ACTR3C: variants seen among roughly 807,000 people sequenced by gnomAD.
ACTR3C encodes actin-related protein 3C.
Under a neutral mutation model 26.3 loss-of-function variants are expected in ACTR3C, and 18 were observed. The ratio of observed to expected loss-of-function variants is 0.68; its 90% CI spans 0.47 to 1.01. The LOEUF is 1.01. Among genes scored for constraint, ACTR3C ranks in the 50% least tolerant of loss-of-function variants. The pLI is 0.00. For synonymous variants in ACTR3C, 55 were observed against 94.5 expected (o/e 0.58, Z 2.42); for missense variants, 184 against 250.7 (o/e 0.73, Z 1.80).
chr7:150,311,378 T>C (rs1197372344), intron 1 of ACTR3C, among the ~76,000 whole-genome samples: 1 of 152,236 alleles, frequency 6.6e-6, no homozygotes, highest in Non-Finnish European at 1.5e-5. Context: ...CAGTGGCAGC[T>C]GCTGCTTTAA....
At chr7:150,087,641 A>G in the ACTR3C span, among the ~76,000 whole-genome samples, 1 of 152,172 alleles carries the variant, frequency 6.6e-6, no homozygotes, top group Non-Finnish European at 1.5e-5. Context: ...CCCGTGGAAG[A>G]GGCTGGAATA....
the ACTR3C span, among the ~76,000 whole-genome samples, chr7:150,159,268 T>A: frequency 6.6e-6 from 1 of 151,924 alleles, no homozygotes; most frequent in Non-Finnish European, 1.5e-5. Flanking sequence ...GAGAAACACT[T>A]CTTCCCAGGA....
the ACTR3C span, among the ~76,000 whole-genome samples, chr7:149,910,469 G>A: frequency 1.1e-3 from 168 of 152,088 alleles, 2 homozygotes; most frequent in South Asian, 0.033. Context: ...AAAAGGGGGG[G>A]TGGTGGGAAA....
At chr7:150,287,640 G>T (rs1835897529) in intron 4 of ACTR3C, among the ~76,000 whole-genome samples, 1 of 152,098 alleles carries the variant, frequency 6.6e-6, no homozygotes, top group African/African-American at 2.4e-5. Context: ...CGCTCTCGTG[G>T]TATTAAGTTT....
chr7:150,177,982 C>T, the ACTR3C span, among the ~76,000 whole-genome samples: 14 of 150,838 alleles, frequency 9.3e-5, no homozygotes, highest in Middle Eastern at 0.01. Flanking sequence ...TTACAAATTA[C>T]GTTTCTTATT....
chr7:150,156,211 C>G, the ACTR3C span, among the ~76,000 whole-genome samples: 7 of 152,170 alleles, frequency 4.6e-5, no homozygotes, highest in Admixed American at 1.3e-4. Flanking sequence ...CGCTGAGCAA[C>G]AGTCCAGGTC....
the ACTR3C span, among the ~76,000 whole-genome samples, chr7:150,227,701 G>GTTTTTTT: frequency 2.1e-5 from 2 of 94,244 alleles, no homozygotes; most frequent in African/African-American, 7.9e-5. Flanking sequence ...TTTTTTTTTT[G>GTTTTTTT]TTTTTTTTTT....
chr7:150,006,885 AGGC>A, the ACTR3C span, among the ~76,000 whole-genome samples: 1 of 152,236 alleles, frequency 6.6e-6, no homozygotes, highest in Non-Finnish European at 1.5e-5. Flanking sequence ...ACTTCTCAAT[AGGC>A]ATATCCACAT....
At chr7:150,314,735 G>C (rs1585005774) in intron 1 of ACTR3C, among the ~76,000 whole-genome samples, 1 of 142,266 alleles carries the variant, frequency 7.0e-6, no homozygotes, top group Non-Finnish European at 1.5e-5. Context: ...TTGAGCCCAA[G>C]ACCAGCCTGA....
At chr7:149,993,339 C>G in the ACTR3C span, among the ~76,000 whole-genome samples, 1 of 152,134 alleles carries the variant, frequency 6.6e-6, no homozygotes, top group Admixed American at 6.5e-5. Flanking sequence ...TGGTGCCCTG[C>G]GAGGCCAAGC....
At chr7:150,103,974 C>T in the ACTR3C span, among the ~76,000 whole-genome samples, 9 of 151,844 alleles carry the variant, frequency 5.9e-5, no homozygotes, top group Non-Finnish European at 1.3e-4. Context: ...TTTAAACATT[C>T]GACAACATAA....
intron 3 of ACTR3C, among the ~76,000 whole-genome samples, chr7:150,291,335 A>C (rs1836245580): frequency 6.6e-6 from 1 of 152,210 alleles, no homozygotes; most frequent in South Asian, 2.1e-4. Context: ...AGGCTGAGGC[A>C]GGAGAATCGC....
the ACTR3C span, among the ~76,000 whole-genome samples, chr7:150,112,179 G>A: frequency 1.1e-4 from 16 of 151,328 alleles, no homozygotes; most frequent in Admixed American, 9.9e-4. Context: ...TCCGGGCCCC[G>A]CTCTGAGCTT....
At chr7:150,035,951 G>T in the ACTR3C span, among the ~76,000 whole-genome samples, 8 of 136,676 alleles carry the variant, frequency 5.9e-5, 1 homozygote, top group Admixed American at 2.1e-4. Context: ...GGTCCTCAGA[G>T]CCAGGGCGGG....
At chr7:150,019,141 A>G in the ACTR3C span, among the ~76,000 whole-genome samples, 4 of 150,310 alleles carry the variant, frequency 2.7e-5, no homozygotes, top group Non-Finnish European at 5.9e-5. Flanking sequence ...CATGAAAGAG[A>G]TGATATATAA....
At chr7:150,197,743 C>T in the ACTR3C span, among the ~76,000 whole-genome samples, 1 of 152,184 alleles carries the variant, frequency 6.6e-6, no homozygotes, top group Non-Finnish European at 1.5e-5. Context: ...CCAAACTATT[C>T]CTTTCTCTTT....
At chr7:149,912,709 G>A in the ACTR3C span, among the ~76,000 whole-genome samples, 2 of 152,056 alleles carry the variant, frequency 1.3e-5, no homozygotes, top group Non-Finnish European at 2.9e-5. Context: ...CACCATGTTG[G>A]CCAGGCTGGT....
chr7:149,888,577 G>A, the ACTR3C span, among the ~76,000 whole-genome samples: 2 of 151,950 alleles, frequency 1.3e-5, no homozygotes, highest in African/African-American at 4.8e-5. Context: ...TTTCCCTATT[G>A]ATTTATAGAA....
the ACTR3C span, among the ~76,000 whole-genome samples, chr7:149,982,442 C>G: frequency 0.091 from 13,824 of 152,012 alleles, 779 homozygotes; most frequent in Non-Finnish European, 0.13. Context: ...AAGCTCAGGA[C>G]TTGGAAAGAT....
Sources: gnomAD v4.1 joint callset for allele counts (sites outside exome capture counted in the v4.1 genomes callset) on GRCh38, gnomAD v4.1.1 for gene constraint, MANE v1.5 for transcripts, NCBI Gene and HGNC (gene_info 2026-07-23, HGNC 2026-07-21) for gene names.